The following CEP128 variants were observed in gnomAD, a reference collection of about 807,000 sequenced individuals.
CEP128 encodes centrosomal protein 128kDa.
CEP128 carries 132 observed loss-of-function variants against 156.7 expected under a neutral mutation model. The observed-to-expected ratio is 0.84, with a 90% confidence interval of 0.73 to 0.97. The LOEUF is 0.97. Among genes scored for constraint, CEP128 ranks in the 50% least tolerant of loss-of-function variants. The pLI is 0.00. For synonymous variants in CEP128, 469 were observed against 448.9 expected (o/e 1.04, Z -0.57); for missense variants, 1,252 against 1,281.9 (o/e 0.98, Z 0.36).
intron 8 of CEP128, among the ~76,000 whole-genome samples, chr14:80,889,618 A>T (rs1888984808): frequency 6.6e-6 from 1 of 152,188 alleles, no homozygotes; most frequent in South Asian, 2.1e-4. Context: ...CCTTATATAA[A>T]AATTAACTCA....
At chr14:80,689,313 A>C (rs942587433) in intron 19 of CEP128, among the ~76,000 whole-genome samples, 150 of 143,008 alleles carry the variant, frequency 1.0e-3, no homozygotes, top group Non-Finnish European at 1.8e-3. Flanking sequence ...AAAAAAAAAA[A>C]AGAGAAATGC....
At chr14:80,669,990 G>C (rs1056785270) in intron 19 of CEP128, among the ~76,000 whole-genome samples, 5 of 152,118 alleles carry the variant, frequency 3.3e-5, no homozygotes, top group African/African-American at 1.2e-4. Flanking sequence ...AAGGTGAAGG[G>C]GGAGCTGGCA....
At chr14:80,847,661 T>C (rs1886676808) in intron 9 of CEP128, among the ~76,000 whole-genome samples, 1 of 152,130 alleles carries the variant, frequency 6.6e-6, no homozygotes, top group Non-Finnish European at 1.5e-5. Context: ...TTAGCAAAAA[T>C]GCCACCTCTC....
intron 19 of CEP128, among the ~76,000 whole-genome samples, chr14:80,668,130 G>A (rs1486211388): frequency 3.3e-5 from 5 of 152,114 alleles, no homozygotes; most frequent in Admixed American, 3.3e-4. Flanking sequence ...AACAGTCTGT[G>A]AGGTAAATGT....
rs1389581394 is a variant in CEP128, at chr14:80,857,762, C to CAAA, written c.762+4994_762+4995insTTT. Reference sequence around the variant, plus strand: ...AAAAAAACAACAACAACAACAACAACAACAACAAAAAACATGAATTGAATT... The same window carrying CAAA: ...AAAAAAACAACAACAACAACAACAACAAAAACAACAAAAAACATGAATTGAATT... On this transcript the variant is annotated intron_variant, in intron 9 of 24. Coordinates refer to ENST00000555265, the MANE Select transcript of CEP128 (RefSeq NM_152446.5). Among the ~76,000 whole-genome samples the CAAA allele has an allele frequency of 2.5e-4, 36 of 144,072 alleles. 1 individual carries two copies. Among genetic ancestry groups the CAAA allele is most frequent in the African/African-American group, 7.8e-4 (31 of 39,908 alleles). 94.5% of individuals were successfully genotyped at this position (144,072 alleles called of 152,430 possible).
Position 80,501,936 on chromosome 14 carries a change from C to T in CEP128, c.3181+2976G>A, listed in dbSNP as rs143294324. On this transcript the variant is annotated intron_variant, in intron 24 of 24. Coordinates refer to ENST00000555265, the MANE Select transcript of CEP128 (RefSeq NM_152446.5). ...TCAGTTTATCATTGCCACGGCAACACGACACACCTGTCGCCATTTTCCTGG... is the reference window on the plus strand; with the variant it reads ...TCAGTTTATCATTGCCACGGCAACATGACACACCTGTCGCCATTTTCCTGG... Among the ~76,000 whole-genome samples, 775 of 152,202 alleles carry T rather than the reference C, an allele frequency of 5.1e-3. 10 individuals carry two copies. The highest frequency in any genetic ancestry group is 0.018 in the African/African-American group (741 of 41,514).
chr14:80,753,579 G>A (rs922333499), intron 18 of CEP128, among the ~76,000 whole-genome samples: 2 of 152,202 alleles, frequency 1.3e-5, no homozygotes, highest in Non-Finnish European at 2.9e-5. Context: ...GCCTGCGCTA[G>A]ATTTGACATG....
chr14:80,848,062 C>T (rs12589935), intron 9 of CEP128, among the ~76,000 whole-genome samples: 18,179 of 152,150 alleles, frequency 0.12, 1,566 homozygotes, highest in East Asian at 0.45. Flanking sequence ...GTCCCTGCCT[C>T]CATAAAGCCT....
At chr14:80,931,837 G>A (rs1418690614) in intron 2 of CEP128, among the ~76,000 whole-genome samples, 2 of 152,196 alleles carry the variant, frequency 1.3e-5, no homozygotes, top group African/African-American at 4.8e-5. Context: ...AAGAGACTGA[G>A]CCAGGGCCTT....
At chr14:80,548,142 GA>G (rs534917084) in intron 21 of CEP128, among the ~76,000 whole-genome samples, 28 of 150,240 alleles carry the variant, frequency 1.9e-4, no homozygotes, top group South Asian at 1.7e-3. Context: ...GCCCAATCAT[GA>G]AAAAAAAATA....
intron 21 of CEP128, among the ~76,000 whole-genome samples, chr14:80,549,639 C>T (rs1203120252): frequency 6.6e-6 from 1 of 152,092 alleles, no homozygotes; most frequent in Non-Finnish European, 1.5e-5. Flanking sequence ...AGTTATTTGG[C>T]CAGATTTACA....
chr14:80,542,512 G>A (rs1427451903), intron 21 of CEP128, among the ~76,000 whole-genome samples: 1 of 152,154 alleles, frequency 6.6e-6, no homozygotes, highest in Non-Finnish European at 1.5e-5. Context: ...TGAGGGGATG[G>A]TAAAGTTCAG....
At chr14:80,837,325 A>C (rs866743166) in intron 11 of CEP128, among the ~76,000 whole-genome samples, 1 of 152,224 alleles carries the variant, frequency 6.6e-6, no homozygotes, top group African/African-American at 2.4e-5. Context: ...CCCTTATCCA[A>C]TGTATGTAAG....
At chr14:80,907,353 G>A (rs1192502807) in intron 4 of CEP128, among the ~76,000 whole-genome samples, 1 of 152,090 alleles carries the variant, frequency 6.6e-6, no homozygotes, top group African/African-American at 2.4e-5. Flanking sequence ...CCTGCCTTGA[G>A]TATTCGCCAG....
intron 9 of CEP128, among the ~76,000 whole-genome samples, chr14:80,850,108 C>T (rs890922579): frequency 6.6e-6 from 1 of 152,030 alleles, no homozygotes; most frequent in Non-Finnish European, 1.5e-5. Context: ...GAAGAGGAAG[C>T]ATGAAACTAT....
intron 9 of CEP128, among the ~76,000 whole-genome samples, chr14:80,841,027 A>G (rs1886326559): frequency 6.6e-6 from 1 of 152,138 alleles, no homozygotes; most frequent in Non-Finnish European, 1.5e-5. Flanking sequence ...GGGCCTAGAT[A>G]GCTAACAGTT....
At chr14:80,958,266 C>T (rs1886816188) in exon 2 of CEP128, 1 of 152,134 alleles carries the variant, frequency 6.6e-6, no homozygotes, top group Non-Finnish European at 1.5e-5. Flanking sequence ...TGTTATTATG[C>T]TCATTTTATA....
At chr14:80,800,738 T>C (rs1883793841) in intron 13 of CEP128, among the ~76,000 whole-genome samples, 1 of 152,172 alleles carries the variant, frequency 6.6e-6, no homozygotes, top group African/African-American at 2.4e-5. Flanking sequence ...CATCGACTAG[T>C]TATTTATTCC....
intron 19 of CEP128, among the ~76,000 whole-genome samples, chr14:80,734,916 G>C (rs1898457795): frequency 6.9e-6 from 1 of 145,808 alleles, no homozygotes; most frequent in Non-Finnish European, 1.5e-5. Flanking sequence ...ACATTCAAGA[G>C]AATACATTCC....
Sources: allele counts gnomAD v4.1 joint callset (sites outside exome capture counted in the v4.1 genomes callset), GRCh38; gene constraint gnomAD v4.1.1; transcripts MANE v1.5; gene names NCBI Gene and HGNC (gene_info 2026-07-23, HGNC 2026-07-21).